The following BCAS3 variants were observed in gnomAD, a reference collection of about 807,000 sequenced individuals.
The protein encoded by BCAS3 is BCAS3 microtubule associated cell migration factor.
Under a neutral mutation model 116.1 loss-of-function variants are expected in BCAS3, and 53 were observed. The ratio of observed to expected loss-of-function variants is 0.46; its 90% CI spans 0.37 to 0.57. The LOEUF is 0.57. BCAS3 is among the 20% of genes least tolerant of loss of function. The pLI is 0.00. For synonymous variants in BCAS3, 391 were observed against 408.2 expected, an observed-to-expected ratio of 0.96 and a Z score of 0.51; for missense variants, 917 against 1,165.4, an observed-to-expected ratio of 0.79 and a Z score of 3.10.
Position 61,361,488 on chromosome 17 carries a change from A to G in BCAS3, c.2426-6839A>G, listed in dbSNP as rs145865320. On this transcript the variant is annotated intron_variant, in intron 22 of 23. Transcript: ENST00000407086. This position sits in a 1 kb window ranked among gnomAD's most constrained non-coding sequence, Gnocchi z 6.5. Reference sequence around the variant, plus strand: ...ATAATATAATATCTGATCTATATCTATATCTATCTCACTGTGGGAGAACGC... The same window carrying G: ...ATAATATAATATCTGATCTATATCTGTATCTATCTCACTGTGGGAGAACGC... Among the ~76,000 whole-genome samples the G allele has an allele frequency of 6.4e-3, 973 of 152,266 alleles. 14 individuals carry two copies. Among genetic ancestry groups the G allele is most frequent in the African/African-American group, 0.022 (929 of 41,568 alleles).
At chr17:61,185,361 T>C (rs1437944905) in intron 22 of BCAS3, among the ~76,000 whole-genome samples, 1 of 152,162 alleles carries the variant, frequency 6.6e-6, no homozygotes, top group East Asian at 1.9e-4. Flanking sequence ...TCCTGTTAGG[T>C]TTGGGCTATC....
intron 6 of BCAS3, among the ~76,000 whole-genome samples, chr17:60,787,822 G>T (rs995677833): frequency 1.3e-5 from 2 of 152,068 alleles, no homozygotes; most frequent in Non-Finnish European, 2.9e-5. Flanking sequence ...ACATACTCCA[G>T]TATGGGTGCA....
At position 60,709,336 on chromosome 17, in the gene BCAS3, A is replaced by G. The variant is rs532663592; in HGVS notation, c.321+11A>G. 1.6e-5 allele frequency: 23 copies of G among 1,423,354 alleles called. No individual in the cohort carries two copies. Among genetic ancestry groups the G allele is most frequent in the African/African-American group, 1.1e-4 (8 of 71,162 alleles). 88.2% of individuals were successfully genotyped at this position (1,423,354 alleles called of 1,614,324 possible). On this transcript the variant is annotated intron_variant, in intron 5 of 23. Coordinates refer to ENST00000407086, the MANE Select transcript of BCAS3 (RefSeq NM_017679.5). ...GTCTGGAGCATCCCTGTAAGTACAC[A>G]TGTGGTTGAATACCTAAAACATACT...
At chr17:61,225,152 G>A (rs1051047015) in intron 22 of BCAS3, among the ~76,000 whole-genome samples, 4 of 115,846 alleles carry the variant, frequency 3.5e-5, no homozygotes, top group Admixed American at 3.3e-4. Flanking sequence ...TACAAGTATC[G>A]CTCTGCCTTT....
intron 22 of BCAS3, among the ~76,000 whole-genome samples, chr17:61,197,388 G>A (rs760049833): frequency 6.6e-6 from 1 of 152,180 alleles, no homozygotes; most frequent in African/African-American, 2.4e-5. Context: ...ATAGGTGTAG[G>A]ATGAGCTCAT....
chr17:60,756,013 T>G (rs1407755601), intron 6 of BCAS3, among the ~76,000 whole-genome samples: 1 of 152,208 alleles, frequency 6.6e-6, no homozygotes, highest in Non-Finnish European at 1.5e-5. Context: ...GTCATCCTAC[T>G]CTGCTATTGA....
intron 4 of BCAS3, among the ~76,000 whole-genome samples, chr17:60,707,249 T>G (rs1342328246): frequency 6.6e-6 from 1 of 151,842 alleles, no homozygotes; most frequent in African/African-American, 2.4e-5. Context: ...TGTCTCCGCC[T>G]CCCAAAGTGC....
chr17:61,243,384 A>AT lies in BCAS3; in HGVS notation c.2426-124940dup, dbSNP rs2047683039. ...TTTATCCATTCATTCATGGATGGAC[A>AT]TTTAGTTTGCTTCTACATCTTGACT... On this transcript the variant is annotated intron_variant, in intron 22 of 23. Coordinates refer to ENST00000407086, the MANE Select transcript of BCAS3 (RefSeq NM_017679.5). The surrounding 1 kb of genome is among the most constrained non-coding windows in gnomAD (Gnocchi z 5.6). Among the ~76,000 whole-genome samples, 1 of 152,136 alleles carries AT rather than the reference A, an allele frequency of 6.6e-6. No homozygotes were observed. The highest frequency in any genetic ancestry group is 2.4e-5 in the African/African-American group (1 of 41,434).
At chr17:61,318,668 T>C (rs2054941513) in intron 22 of BCAS3, among the ~76,000 whole-genome samples, 1 of 152,232 alleles carries the variant, frequency 6.6e-6, no homozygotes. Context: ...GCACTCCTGC[T>C]CGGAGGACAT....
intron 11 of BCAS3, among the ~76,000 whole-genome samples, 165 bp downstream of exon 11, chr17:60,902,868 C>T (rs555318730): frequency 6.6e-6 from 1 of 152,202 alleles, no homozygotes; most frequent in South Asian, 2.1e-4. Flanking sequence ...CTAATTAATA[C>T]CACATTTGGA....
intron 8 of BCAS3, among the ~76,000 whole-genome samples, chr17:60,870,882 T>C (rs941910317): frequency 2.0e-5 from 3 of 152,252 alleles, no homozygotes; most frequent in African/African-American, 7.2e-5. Flanking sequence ...TACCATTTAT[T>C]TGTAGGAACA....
At position 61,162,772 on chromosome 17, in the gene BCAS3, AC is replaced by A. The variant is rs1218299673; in HGVS notation, c.2425+78211del. Among the ~76,000 whole-genome samples, 1 of 152,190 alleles carries A rather than the reference AC, an allele frequency of 6.6e-6. No individual in the cohort carries two copies. Among genetic ancestry groups the A allele is most frequent in the African/African-American group, 2.4e-5 (1 of 41,446 alleles). On this transcript the variant is annotated intron_variant, in intron 22 of 23. Transcript: ENST00000407086. The surrounding 1 kb of genome is among the most constrained non-coding windows in gnomAD (Gnocchi z 5.6). ...AGCAACGTCTCCAGCCGAGGCTGCA[AC>A]CCGAGGAACCACTCCTGATGGAATA...
At chr17:60,912,981 T>G (rs990606888) in intron 12 of BCAS3, among the ~76,000 whole-genome samples, 7 of 152,098 alleles carry the variant, frequency 4.6e-5, no homozygotes. Context: ...AATGGAAGTA[T>G]GGGGACATAT....
At chr17:60,780,660 A>G (rs564585702) in intron 6 of BCAS3, among the ~76,000 whole-genome samples, 45 of 152,280 alleles carry the variant, frequency 3.0e-4, no homozygotes, top group Non-Finnish European at 5.6e-4. Flanking sequence ...ACAGAGATTT[A>G]TTGGTGTAAA....
chr17:61,143,159 CAACTT>C (rs1451913291), intron 22 of BCAS3, among the ~76,000 whole-genome samples: 2 of 152,260 alleles, frequency 1.3e-5, no homozygotes, highest in East Asian at 1.9e-4. Flanking sequence ...TTTTTGAACT[CAACTT>C]GCTTGCATTG....
At chr17:61,340,681 C>T (rs554728290) in intron 22 of BCAS3, among the ~76,000 whole-genome samples, 4 of 151,994 alleles carry the variant, frequency 2.6e-5, no homozygotes, top group Admixed American at 6.5e-5. Flanking sequence ...TTCACCAGGC[C>T]GGTATGGCCA....
At position 61,324,865 on chromosome 17, in the gene BCAS3, G is replaced by A. The variant is rs923254084; in HGVS notation, c.2426-43462G>A. ...AGAAACAAAAAAGAAGATGTAGACT[G>A]TGTGATCTCTGAAATTTCTCCATGT... On this transcript the variant is annotated intron_variant, in intron 22 of 23. Coordinates refer to ENST00000407086, the MANE Select transcript of BCAS3 (RefSeq NM_017679.5). This position sits in a 1 kb window ranked among gnomAD's most constrained non-coding sequence, Gnocchi z 4.6. Among the ~76,000 whole-genome samples the A allele has an allele frequency of 7.2e-5, 11 of 151,912 alleles. No individual in the cohort carries two copies. The highest frequency in any genetic ancestry group is 2.7e-4 in the African/African-American group (11 of 41,388).
chr17:61,126,450 G>A lies in BCAS3; in HGVS notation c.2425+41886G>A, dbSNP rs772986665. Among the ~76,000 whole-genome samples the A allele has an allele frequency of 8.0e-4, 122 of 152,106 alleles. No individual in the cohort carries two copies. The highest frequency in any genetic ancestry group is 1.5e-3 in the Non-Finnish European group (102 of 68,000). ...TTTTCTTTCCTTTTAGTGAAAAACC[G>A]AAGGACAATAGTCATTATATGATTT... On this transcript the variant is annotated intron_variant, in intron 22 of 23. Coordinates refer to ENST00000407086, the MANE Select transcript of BCAS3 (RefSeq NM_017679.5). This position sits in a 1 kb window ranked among gnomAD's most constrained non-coding sequence, Gnocchi z 4.6.
chr17:60,983,247 G>A (rs189916338), intron 14 of BCAS3, among the ~76,000 whole-genome samples: 1 of 152,168 alleles, frequency 6.6e-6, no homozygotes, highest in East Asian at 1.9e-4. Context: ...ATGAGAATAT[G>A]TTAATTACAA....
Sources: allele counts gnomAD v4.1 joint callset (sites outside exome capture counted in the v4.1 genomes callset), GRCh38; gene constraint gnomAD v4.1.1; non-coding constraint Gnocchi (gnomAD v3.1); transcripts MANE v1.5; gene names NCBI Gene and HGNC (gene_info 2026-07-23, HGNC 2026-07-21).